LRRC4C: variants seen among roughly 807,000 people sequenced by gnomAD.
LRRC4C encodes leucine rich repeat containing 4C.
LRRC4C carries 5 observed loss-of-function variants against 33.6 expected under a neutral mutation model. The ratio of observed to expected loss-of-function variants is 0.15; its 90% confidence interval spans 0.08 to 0.31. The LOEUF is 0.31. Ranked by LOEUF, LRRC4C falls within the 10% of genes least tolerant of loss-of-function variation. The probability of loss-of-function intolerance (pLI) is 1.00; values close to 1 mark genes in which losing one functional copy is unlikely to be tolerated. For synonymous variants in LRRC4C, 329 were observed against 302.0 expected (o/e 1.09, Z -0.93); for missense variants, 560 against 796.7 (o/e 0.70, Z 3.58).
chr11:40,207,709 G>C (rs962767515), intron 5 of LRRC4C, among the ~76,000 whole-genome samples: 5 of 152,174 alleles, frequency 3.3e-5, no homozygotes, highest in Admixed American at 1.3e-4. Context: ...AATTTTAAGA[G>C]TTCATCAGCC....
At chr11:40,402,413 C>T (rs533640754) in intron 3 of LRRC4C, among the ~76,000 whole-genome samples, 6 of 152,192 alleles carry the variant, frequency 3.9e-5, no homozygotes, top group Non-Finnish European at 7.4e-5. Flanking sequence ...ATTTTATTCT[C>T]TTTTTGGCAG....
intron 3 of LRRC4C, among the ~76,000 whole-genome samples, chr11:40,557,287 A>G (rs902005766): frequency 6.6e-5 from 10 of 152,162 alleles, no homozygotes; most frequent in African/African-American, 2.4e-4. Context: ...AGATCTGGTT[A>G]TGAACCTTGG....
At chr11:41,079,896 G>C (rs146702938) in intron 1 of LRRC4C, among the ~76,000 whole-genome samples, 1 of 152,118 alleles carries the variant, frequency 6.6e-6, no homozygotes, top group Non-Finnish European at 1.5e-5. Flanking sequence ...GGATATCCCT[G>C]CTTTAGAGAT....
intron 1 of LRRC4C, among the ~76,000 whole-genome samples, chr11:41,240,938 G>T (rs1311288865): frequency 2.6e-5 from 4 of 152,054 alleles, no homozygotes; most frequent in African/African-American, 9.7e-5. Flanking sequence ...TCTACAATAG[G>T]CAGGAAAACT....
At chr11:41,188,793 C>A (rs1590881445) in intron 1 of LRRC4C, among the ~76,000 whole-genome samples, 1 of 150,580 alleles carries the variant, frequency 6.6e-6, no homozygotes, top group African/African-American at 2.4e-5. Context: ...TGGTTTTGGG[C>A]AGGTTATCTC....
intron 2 of LRRC4C, among the ~76,000 whole-genome samples, chr11:40,677,993 A>C (rs1944488830): frequency 6.6e-6 from 1 of 152,128 alleles, no homozygotes; most frequent in Admixed American, 6.5e-5. Flanking sequence ...GGCTCCGTGG[A>C]GCTGCCATAG....
intron 5 of LRRC4C, among the ~76,000 whole-genome samples, chr11:40,221,407 A>G (rs1163680571): frequency 6.6e-6 from 1 of 152,134 alleles, no homozygotes; most frequent in African/African-American, 2.4e-5. Context: ...TGTTGTTGCT[A>G]TGTTTGCAGT....
chr11:40,319,885 C>G (rs2136839893), intron 3 of LRRC4C, among the ~76,000 whole-genome samples, 164 bp from the exon 4 acceptor site: 1 of 152,064 alleles, frequency 6.6e-6, no homozygotes, highest in South Asian at 2.1e-4. Flanking sequence ...ACTAACAAAT[C>G]AAGACATGGG....
At chr11:41,071,436 A>T (rs1938674328) in intron 1 of LRRC4C, among the ~76,000 whole-genome samples, 1 of 152,080 alleles carries the variant, frequency 6.6e-6, no homozygotes, top group African/African-American at 2.4e-5. Context: ...AAATAAATAA[A>T]ATAAAATGCC....
chr11:40,814,090 C>T lies in LRRC4C; in HGVS notation c.-407+119545G>A, dbSNP rs1172509126. On this transcript the variant is annotated intron_variant, in intron 2 of 6. Coordinates refer to ENST00000528697, the MANE Select transcript of LRRC4C (RefSeq NM_001258419.2). ...TCACGGTTCCACTAGGCAGTTTCTC[C>T]ATTGCAACTCTGTGTGGGGGCTCCA... is the stretch of plus-strand genomic sequence containing the variant. Among the ~76,000 whole-genome samples, 4 of 152,256 alleles carry T rather than the reference C, an allele frequency of 2.6e-5. No homozygotes were observed. In the South Asian group the frequency reaches 8.3e-4, roughly 32 times the overall value.
intron 3 of LRRC4C, among the ~76,000 whole-genome samples, chr11:40,500,871 A>C (rs2138621471): frequency 6.6e-6 from 1 of 152,224 alleles, no homozygotes; most frequent in Admixed American, 6.5e-5. Flanking sequence ...GCATTAACTC[A>C]AAAGTTCACA....
chr11:41,096,468 A>G (rs1370123905), intron 1 of LRRC4C, among the ~76,000 whole-genome samples: 5 of 152,218 alleles, frequency 3.3e-5, no homozygotes, highest in African/African-American at 1.2e-4. Flanking sequence ...ATCAGCAGCA[A>G]TGGATGGAAT....
At chr11:40,452,957 C>T (rs1288533983) in intron 3 of LRRC4C, among the ~76,000 whole-genome samples, 1 of 149,748 alleles carries the variant, frequency 6.7e-6, no homozygotes, top group Non-Finnish European at 1.5e-5. Flanking sequence ...CGCATGTTCT[C>T]ACTCATCGGT....
In LRRC4C at chr11:40,882,531, T is replaced by C. The variant is rs569928841; in HGVS notation, c.-407+51104A>G. Reference sequence around the variant, plus strand: ...AATATATATTCCACCTTCCTGCTCATTTCTGCATCTTTCTACATACTATTC... The same window carrying C: ...AATATATATTCCACCTTCCTGCTCACTTCTGCATCTTTCTACATACTATTC... On this transcript the variant is annotated intron_variant, in intron 2 of 6. Coordinates refer to ENST00000528697, the MANE Select transcript of LRRC4C (RefSeq NM_001258419.2). Among the ~76,000 whole-genome samples, 3 of 152,216 alleles carry C rather than the reference T, an allele frequency of 2.0e-5. No individual in the cohort carries two copies. The East Asian group carries it at 5.8e-4, about 29-fold the overall frequency.
chr11:40,513,325 A>G (rs1007483757), intron 3 of LRRC4C, among the ~76,000 whole-genome samples: 9 of 151,838 alleles, frequency 5.9e-5, no homozygotes, highest in Non-Finnish European at 1.3e-4. Context: ...AGTACTTTTT[A>G]TATTAGTCAA....
intron 2 of LRRC4C, among the ~76,000 whole-genome samples, chr11:40,727,375 G>T (rs2136741020): frequency 6.6e-6 from 1 of 152,168 alleles, no homozygotes; most frequent in Admixed American, 6.5e-5. Context: ...GCAGAAGAAT[G>T]AAAAAGAACC....
intron 1 of LRRC4C, among the ~76,000 whole-genome samples, chr11:41,031,958 G>C (rs949300879): frequency 1.3e-5 from 2 of 152,108 alleles, no homozygotes; most frequent in Non-Finnish European, 2.9e-5. Flanking sequence ...CAGGGTTGGA[G>C]ACAAAAACCT....
chr11:40,171,691 C>G (rs770101265), intron 5 of LRRC4C, among the ~76,000 whole-genome samples: 9 of 152,252 alleles, frequency 5.9e-5, no homozygotes, highest in East Asian at 1.9e-4. Context: ...TGTGCTTAAT[C>G]TAATTTAATC....
At chr11:40,941,962 T>G (rs1188407887) in intron 1 of LRRC4C, among the ~76,000 whole-genome samples, 1 of 152,092 alleles carries the variant, frequency 6.6e-6, no homozygotes, top group Non-Finnish European at 1.5e-5. Flanking sequence ...GAGACAGGGT[T>G]AGACACACAA....
Sources: allele counts gnomAD v4.1 joint callset (sites outside exome capture counted in the v4.1 genomes callset), GRCh38; gene constraint gnomAD v4.1.1; transcripts MANE v1.5; gene names NCBI Gene and HGNC (gene_info 2026-07-23, HGNC 2026-07-21).